The following NKAIN2 variants were observed in gnomAD, a reference collection of about 807,000 sequenced individuals.
NKAIN2 encodes sodium/potassium-transporting ATPase subunit beta-1-interacting protein 2.
In NKAIN2, 14 loss-of-function variants were observed where a neutral mutation model predicts 32.6. That is an observed-to-expected ratio of 0.43 (90% confidence interval 0.28 to 0.67). The LOEUF (loss-of-function observed/expected upper bound fraction) is 0.67, where lower values mean the gene tolerates loss of function less well. Ranked by LOEUF, NKAIN2 falls within the 30% of genes least tolerant of loss-of-function variation. The pLI, the probability that NKAIN2 is intolerant of heterozygous loss-of-function variation, is 0.17. For synonymous variants in NKAIN2, 80 were observed against 87.2 expected (o/e 0.92, Z 0.46); for missense variants, 198 against 258.3 (o/e 0.77, Z 1.60).
chr6:124,311,578 T>C (rs914907487), intron 2 of NKAIN2, among the ~76,000 whole-genome samples: 1 of 152,192 alleles, frequency 6.6e-6, no homozygotes, highest in South Asian at 2.1e-4. Context: ...CTACTACGTT[T>C]ACTTATGTGA....
In NKAIN2 at chr6:124,416,297, A is replaced by G. The variant is rs550127122; in HGVS notation, c.273+60950A>G. 1.4e-4 allele frequency among the ~76,000 whole-genome samples: 21 copies of G among 152,230 alleles called. 1 individual carries two copies. In the South Asian group the frequency reaches 3.9e-3, roughly 29 times the overall value. On this transcript the variant is annotated intron_variant, in intron 3 of 6. Coordinates refer to ENST00000368417, the MANE Select transcript of NKAIN2 (RefSeq NM_001040214.3). The stretch of plus-strand genomic sequence containing the variant: ...AAACAAAGAGAAATCTCCTCACCTA[A>G]GTTATATGTGCATTTTTCTGGCATA...
chr6:124,063,633 T>C (rs1783022968), intron 1 of NKAIN2, among the ~76,000 whole-genome samples: 1 of 152,180 alleles, frequency 6.6e-6, no homozygotes, highest in African/African-American at 2.4e-5. Context: ...AATACTCTTA[T>C]TTTTAGCTAG....
chr6:124,298,727 C>T (rs1796167406), intron 2 of NKAIN2, among the ~76,000 whole-genome samples: 1 of 151,926 alleles, frequency 6.6e-6, no homozygotes, highest in African/African-American at 2.4e-5. Flanking sequence ...GCAGATAATG[C>T]ATGAATTGGT....
chr6:124,638,140 G>T lies in NKAIN2; in HGVS notation c.274-20046G>T, dbSNP rs527337551. 3.0e-4 allele frequency among the ~76,000 whole-genome samples: 45 copies of T among 152,202 alleles called. No homozygotes were observed. The South Asian group carries it at 7.1e-3, about 24-fold the overall frequency. On this transcript the variant is annotated intron_variant, in intron 3 of 6. Coordinates refer to ENST00000368417, the MANE Select transcript of NKAIN2 (RefSeq NM_001040214.3). Reference sequence around the variant, plus strand: ...CACAGCTGACAGATTTTTGCCAAAGGTTCCAAGAACATACATTGGAGAAAG... The same window carrying T: ...CACAGCTGACAGATTTTTGCCAAAGTTTCCAAGAACATACATTGGAGAAAG...
intron 3 of NKAIN2, among the ~76,000 whole-genome samples, chr6:124,366,381 A>G (rs1165176303): frequency 1.3e-5 from 2 of 152,160 alleles, no homozygotes; most frequent in Non-Finnish European, 2.9e-5. Context: ...ACAACTTGAA[A>G]TAAATTAAAA....
At chr6:123,874,185 G>A (rs1437208374) in intron 1 of NKAIN2, among the ~76,000 whole-genome samples, 1 of 152,116 alleles carries the variant, frequency 6.6e-6, no homozygotes, top group Non-Finnish European at 1.5e-5. Flanking sequence ...GCACTTAGCT[G>A]TGCATCCTGC....
chr6:124,652,980 G>A (rs1034295189), intron 3 of NKAIN2, among the ~76,000 whole-genome samples: 1 of 152,116 alleles, frequency 6.6e-6, no homozygotes, highest in Non-Finnish European at 1.5e-5. Context: ...AGATCTATAT[G>A]AGGAAAATTG....
At chr6:124,368,921 T>A (rs332640) in intron 3 of NKAIN2, among the ~76,000 whole-genome samples, 4,464 of 152,292 alleles carry the variant, frequency 0.029, 93 homozygotes, top group Middle Eastern at 0.079. Flanking sequence ...ATTTCTGATG[T>A]GGTCTTTGAG....
intron 1 of NKAIN2, among the ~76,000 whole-genome samples, chr6:124,103,991 C>T (rs1052868786): frequency 6.6e-5 from 10 of 152,176 alleles, no homozygotes; most frequent in Non-Finnish European, 1.0e-4. Context: ...GAGGCTGAGG[C>T]GGGACAATGG....
chr6:123,980,068 A>T (rs1277031092), intron 1 of NKAIN2, among the ~76,000 whole-genome samples: 1 of 152,194 alleles, frequency 6.6e-6, no homozygotes, highest in East Asian at 1.9e-4. Context: ...TAAATTGGGA[A>T]TATATTTGAA....
At chr6:124,624,055 G>A (rs611547) in intron 3 of NKAIN2, among the ~76,000 whole-genome samples, 26,145 of 152,098 alleles carry the variant, frequency 0.17, 2,305 homozygotes, top group Middle Eastern at 0.22. Context: ...TAGTATTCCT[G>A]TTATTAGAAG....
intron 1 of NKAIN2, among the ~76,000 whole-genome samples, chr6:124,096,141 C>A (rs957348372): frequency 6.6e-6 from 1 of 152,118 alleles, no homozygotes; most frequent in Non-Finnish European, 1.5e-5. Flanking sequence ...TGTTTGATTG[C>A]AAGAACTGAG....
chr6:123,992,423 AAAACAAAC>A (rs551362211), intron 1 of NKAIN2, among the ~76,000 whole-genome samples: 5 of 152,162 alleles, frequency 3.3e-5, no homozygotes, highest in Non-Finnish European at 7.3e-5. Context: ...AGAATTTTGA[AAAACAAAC>A]AAACAAACAA....
At chr6:124,035,556 C>T (rs573439737) in intron 1 of NKAIN2, among the ~76,000 whole-genome samples, 1 of 152,180 alleles carries the variant, frequency 6.6e-6, no homozygotes, top group African/African-American at 2.4e-5. Context: ...CACTTGCTTG[C>T]TATGAGTTTC....
chr6:124,533,407 G>A (rs1428581549), intron 3 of NKAIN2, among the ~76,000 whole-genome samples: 1 of 142,148 alleles, frequency 7.0e-6, no homozygotes, highest in Non-Finnish European at 1.5e-5. Flanking sequence ...GGGAGGTGGA[G>A]CTAGCAGTGA....
At chr6:124,411,497 C>A (rs6924587) in intron 3 of NKAIN2, among the ~76,000 whole-genome samples, 1 of 144,140 alleles carries the variant, frequency 6.9e-6, no homozygotes, top group Non-Finnish European at 1.6e-5. Context: ...TTTAAGAATG[C>A]TGAATATTGG....
chr6:123,849,404 G>A (rs552486196), intron 1 of NKAIN2, among the ~76,000 whole-genome samples: 1 of 152,288 alleles, frequency 6.6e-6, no homozygotes, highest in Admixed American at 6.5e-5. Flanking sequence ...TAAAATCCCA[G>A]GAGGAGGTGG....
chr6:124,396,053 T>C (rs1773363677), intron 3 of NKAIN2, among the ~76,000 whole-genome samples: 2 of 152,100 alleles, frequency 1.3e-5, no homozygotes, highest in African/African-American at 2.4e-5. Context: ...ATAACTTCCA[T>C]GGTACTTTGC....
At chr6:123,807,004 C>G (rs1005421433) in intron 1 of NKAIN2, among the ~76,000 whole-genome samples, 2 of 151,936 alleles carry the variant, frequency 1.3e-5, no homozygotes, top group African/African-American at 4.8e-5. Context: ...ATTATCAGAC[C>G]AGACACGGTG....
Sources: allele counts gnomAD v4.1 joint callset (sites outside exome capture counted in the v4.1 genomes callset), GRCh38; gene constraint gnomAD v4.1.1; transcripts MANE v1.5; gene names NCBI Gene and HGNC (gene_info 2026-07-23, HGNC 2026-07-21).